Variants in IGF2BP2 observed in about 807,000 individuals in gnomAD.
The protein encoded by IGF2BP2 is insulin like growth factor 2 mRNA binding protein 2.
A neutral mutation model predicts 75.8 loss-of-function variants in IGF2BP2; 17 were observed. The observed-to-expected ratio is 0.22, with a 90% confidence interval of 0.15 to 0.34. The LOEUF (loss-of-function observed/expected upper bound fraction) is 0.34, where lower values mean the gene tolerates loss of function less well. Among genes scored for constraint, IGF2BP2 ranks in the 10% least tolerant of loss-of-function variants. IGF2BP2 has a pLI of 1.00. For missense variants in IGF2BP2, 516 were observed against 772.4 expected (o/e 0.67, Z 3.93); for synonymous variants, 288 against 295.6 (o/e 0.97, Z 0.26).
At chr3:185,802,594 A>G (rs1007668436) in intron 2 of IGF2BP2, among the ~76,000 whole-genome samples, 1 of 152,194 alleles carries the variant, frequency 6.6e-6, no homozygotes, top group African/African-American at 2.4e-5. Context: ...CATTTTTTAA[A>G]TTATTCACAC....
chr3:185,786,561 AACCCCCTTTGATTGTAATTTTCCACT>A (rs72516543), intron 2 of IGF2BP2, among the ~76,000 whole-genome samples: 5,861 of 151,844 alleles, frequency 0.039, 371 homozygotes, highest in African/African-American at 0.13. Flanking sequence ...GTAAGAGAAA[AACCCCCTTTGATTGTAATTTTCCACT>A]ACCCACCCAA....
At chr3:185,810,476 A>AT (rs1739648743) in intron 2 of IGF2BP2, among the ~76,000 whole-genome samples, 1 of 152,256 alleles carries the variant, frequency 6.6e-6, no homozygotes, top group Non-Finnish European at 1.5e-5. Context: ...TATATCAGAC[A>AT]TTTAACAGGC....
At chr3:185,749,120 C>T (rs1366524390) in intron 2 of IGF2BP2, among the ~76,000 whole-genome samples, 3 of 152,116 alleles carry the variant, frequency 2.0e-5, no homozygotes, top group Admixed American at 6.5e-5. Context: ...GCCGAGATCA[C>T]GCCATTGCAT....
chr3:185,791,788 A>C (rs1271613721), intron 2 of IGF2BP2, among the ~76,000 whole-genome samples: 1 of 152,264 alleles, frequency 6.6e-6, no homozygotes, highest in Non-Finnish European at 1.5e-5. Flanking sequence ...TTATTCATTT[A>C]ACAGTGTTTC....
intron 2 of IGF2BP2, among the ~76,000 whole-genome samples, chr3:185,766,706 A>G (rs1188121772): frequency 6.6e-6 from 1 of 152,238 alleles, no homozygotes; most frequent in African/African-American, 2.4e-5. Context: ...AATACTTTTT[A>G]CTGATTTCAT....
At chr3:185,795,353 T>C (rs994286554) in intron 2 of IGF2BP2, among the ~76,000 whole-genome samples, 18 of 152,238 alleles carry the variant, frequency 1.2e-4, no homozygotes, top group African/African-American at 4.3e-4. Context: ...CCATACCACA[T>C]TTGTTTCTCC....
intron 2 of IGF2BP2, among the ~76,000 whole-genome samples, chr3:185,791,492 A>G (rs1005631341): frequency 6.6e-6 from 1 of 152,230 alleles, no homozygotes; most frequent in African/African-American, 2.4e-5. Flanking sequence ...TTCTTTCTTC[A>G]ACTCAACCAA....
chr3:185,766,355 A>G (rs1231718274), intron 2 of IGF2BP2, among the ~76,000 whole-genome samples: 1 of 152,162 alleles, frequency 6.6e-6, no homozygotes, highest in African/African-American at 2.4e-5. Context: ...GTGGACCAAC[A>G]AACTACGGTT....
In IGF2BP2 at chr3:185,699,596, AAAT is replaced by A. The variant is rs545036047; in HGVS notation, c.240-1252_240-1250del. Among the ~76,000 whole-genome samples, 85 of 152,354 alleles carry A rather than the reference AAAT, an allele frequency of 5.6e-4. 2 individuals carry two copies. The South Asian group carries it at 0.012, about 22-fold the overall frequency. ...TGCGTATCCTTCAGATTCTTTATGC[AAAT>A]AATAGCAAATGTGAATATATATTCA... On this transcript the variant is annotated intron_variant, in intron 2 of 15. Transcript: ENST00000382199.
At chr3:185,779,151 T>C (rs1467801736) in intron 2 of IGF2BP2, among the ~76,000 whole-genome samples, 1 of 151,400 alleles carries the variant, frequency 6.6e-6, no homozygotes. Context: ...AACTCATGAG[T>C]CAAAATACAC....
intron 7 of IGF2BP2, among the ~76,000 whole-genome samples, chr3:185,683,700 T>G (rs982258267): frequency 6.6e-6 from 1 of 152,138 alleles, no homozygotes. Context: ...TGAGACACCA[T>G]GCCCAGCCAA....
chr3:185,758,905 C>T (rs1358199228), intron 2 of IGF2BP2, among the ~76,000 whole-genome samples: 3 of 152,182 alleles, frequency 2.0e-5, no homozygotes, highest in Non-Finnish European at 4.4e-5. Flanking sequence ...GATTTAACTG[C>T]AGTCCTTTAC....
chr3:185,722,233 C>T (rs962163656), intron 2 of IGF2BP2: 22 of 455,770 alleles, frequency 4.8e-5, no homozygotes, highest in African/African-American at 1.6e-4. Context: ...CATGCCCAGC[C>T]GCAAGTGTTT....
chr3:185,798,098 G>A (rs565362590), intron 2 of IGF2BP2, among the ~76,000 whole-genome samples: 3 of 152,164 alleles, frequency 2.0e-5, no homozygotes, highest in East Asian at 3.9e-4. Flanking sequence ...CTACTCATGA[G>A]GTTGAGGCAA....
At chr3:185,726,434 A>G (rs537789559) in intron 2 of IGF2BP2, among the ~76,000 whole-genome samples, 334 of 152,358 alleles carry the variant, frequency 2.2e-3, no homozygotes, top group African/African-American at 7.7e-3. Context: ...GGGAAGCAGT[A>G]GGAACTGCTA....
intron 2 of IGF2BP2, 87 bp from the exon 3 acceptor site, chr3:185,698,434 G>C (rs1380689559): frequency 3.2e-6 from 4 of 1,261,142 alleles, no homozygotes; most frequent in South Asian, 2.5e-5. Flanking sequence ...CCCGTCATTT[G>C]AATTTGTTTT....
chr3:185,721,147 A>C (rs1726469824), intron 2 of IGF2BP2, among the ~76,000 whole-genome samples: 1 of 152,090 alleles, frequency 6.6e-6, no homozygotes, highest in African/African-American at 2.4e-5. Context: ...CAATTAATGA[A>C]TGACACACAT....
chr3:185,676,454 A>G (rs769736624), intron 7 of IGF2BP2, among the ~76,000 whole-genome samples: 26 of 152,204 alleles, frequency 1.7e-4, no homozygotes, highest in African/African-American at 5.5e-4. Context: ...AAGGTGGGCA[A>G]TCGCCTAAGC....
chr3:185,745,868 T>C (rs1323810544), intron 2 of IGF2BP2, among the ~76,000 whole-genome samples: 2 of 151,980 alleles, frequency 1.3e-5, no homozygotes, highest in Non-Finnish European at 2.9e-5. Flanking sequence ...TGTGGGAAGG[T>C]TGTACATAAG....
Sources: allele counts gnomAD v4.1 joint callset (sites outside exome capture counted in the v4.1 genomes callset), GRCh38; gene constraint gnomAD v4.1.1; transcripts MANE v1.5; gene names NCBI Gene and HGNC (gene_info 2026-07-23, HGNC 2026-07-21).